The following ENPP6 variants were observed in gnomAD, a reference collection of about 807,000 sequenced individuals.
ENPP6 encodes the protein glycerophosphocholine cholinephosphodiesterase ENPP6.
ENPP6 carries 32 observed loss-of-function variants against 42.0 expected under a neutral mutation model. That is an observed-to-expected ratio of 0.76 (90% confidence interval 0.58 to 1.02). The LOEUF is 1.02. Among genes scored for constraint, ENPP6 ranks in the 50% least tolerant of loss-of-function variants. The pLI is 0.00. For missense variants in ENPP6, 552 were observed against 566.8 expected, an observed-to-expected ratio of 0.97 and a Z score of 0.27; for synonymous variants, 213 against 216.0, an observed-to-expected ratio of 0.99 and a Z score of 0.12.
chr4:184,168,426 A>T lies in ENPP6; in HGVS notation c.242-14693T>A, dbSNP rs1375677171. 2.6e-5 allele frequency among the ~76,000 whole-genome samples: 4 copies of T among 152,354 alleles called. No individual in the cohort carries two copies. In the South Asian group the frequency reaches 8.3e-4, roughly 32 times the overall value. On this transcript the variant is annotated intron_variant, in intron 1 of 7. Coordinates refer to ENST00000296741, the MANE Select transcript of ENPP6 (RefSeq NM_153343.4). ...ATATCTACAGACCATTTGCAGAGGA[A>T]AAGTCTCAAATCCCCTTGACGAAAA... is the stretch of plus-strand genomic sequence containing the variant.
intron 2 of ENPP6, among the ~76,000 whole-genome samples, chr4:184,132,068 T>G (rs1261757711): frequency 1.3e-5 from 2 of 152,144 alleles, no homozygotes; most frequent in Non-Finnish European, 2.9e-5. Flanking sequence ...CCTAAGCCTT[T>G]TGTTCTATTC....
At chr4:184,216,336 T>G (rs1733195117) in intron 1 of ENPP6, among the ~76,000 whole-genome samples, 1 of 152,242 alleles carries the variant, frequency 6.6e-6, no homozygotes, top group Admixed American at 6.5e-5. Context: ...ATACATAACT[T>G]CCTTGCTTGT....
chr4:184,159,368 A>T (rs1427459164), intron 1 of ENPP6, among the ~76,000 whole-genome samples: 1 of 152,234 alleles, frequency 6.6e-6, no homozygotes, highest in Non-Finnish European at 1.5e-5. Flanking sequence ...GGGAGGCAAC[A>T]CAGCTGCATG....
intron 1 of ENPP6, among the ~76,000 whole-genome samples, chr4:184,206,251 A>ATTTT (rs1554000365): frequency 1.1e-3 from 103 of 93,310 alleles, no homozygotes; most frequent in East Asian, 2.1e-3. Flanking sequence ...GGAAGCTTGA[A>ATTTT]TTTTTTTTTT....
intron 1 of ENPP6, among the ~76,000 whole-genome samples, chr4:184,174,722 T>C (rs115946099): frequency 4.1e-3 from 110 of 26,692 alleles, no homozygotes; most frequent in African/African-American, 7.6e-3. Context: ...CTAAATAAGG[T>C]CTGTGTACTT....
At chr4:184,187,774 T>G (rs1041037731) in intron 1 of ENPP6, among the ~76,000 whole-genome samples, 9 of 152,220 alleles carry the variant, frequency 5.9e-5, no homozygotes, top group African/African-American at 2.2e-4. Flanking sequence ...GGGTAGAAAC[T>G]TTGCCCTGTT....
chr4:184,094,324 A>G (rs1269586627), intron 7 of ENPP6, among the ~76,000 whole-genome samples: 1 of 152,266 alleles, frequency 6.6e-6, no homozygotes, highest in African/African-American at 2.4e-5. Context: ...TTCACAGGAA[A>G]AACTGAGATC....
chr4:184,201,624 G>A (rs1039398552), intron 1 of ENPP6, among the ~76,000 whole-genome samples: 3 of 152,202 alleles, frequency 2.0e-5, no homozygotes, highest in African/African-American at 7.2e-5. Context: ...CACCATGGAA[G>A]CCAAAAGAAA....
At chr4:184,165,544 G>C (rs907461796) in intron 1 of ENPP6, among the ~76,000 whole-genome samples, 2 of 152,208 alleles carry the variant, frequency 1.3e-5, no homozygotes, top group Non-Finnish European at 2.9e-5. Flanking sequence ...TCTCAGCAAA[G>C]TAACCACATG....
chr4:184,183,805 C>T (rs369665913), intron 1 of ENPP6, among the ~76,000 whole-genome samples: 1 of 152,350 alleles, frequency 6.6e-6, no homozygotes, highest in African/African-American at 2.4e-5. Context: ...AAACACTCGG[C>T]AACTGCCTCA....
chr4:184,131,149 C>CTTTCTTTCTT (rs1444634415), intron 2 of ENPP6, among the ~76,000 whole-genome samples: 1 of 41,888 alleles, frequency 2.4e-5, no homozygotes, highest in African/African-American at 1.1e-4. Context: ...TACTTTCTTT[C>CTTTCTTTCTT]TTTCTTTCTT....
chr4:184,216,801 C>T lies in ENPP6; in HGVS notation c.241+778G>A, dbSNP rs535291985. 110 of 152,278 alleles carry T rather than the reference C, an allele frequency of 7.2e-4. 1 individual carries two copies. Among genetic ancestry groups the T allele is most frequent in the African/African-American group, 2.5e-3 (103 of 41,538 alleles). 9.4% of individuals were successfully genotyped at this position (152,278 alleles called of 1,614,324 possible). Reference sequence around the variant, plus strand: ...TATCGCACGGATAGAGGCTCAGGTTCATGCAGTCGCGTTTGGAGTCCTGGC... The same window carrying T: ...TATCGCACGGATAGAGGCTCAGGTTTATGCAGTCGCGTTTGGAGTCCTGGC... On this transcript the variant is annotated intron_variant, in intron 1 of 7. Transcript: ENST00000296741.
intron 7 of ENPP6, among the ~76,000 whole-genome samples, chr4:184,093,163 C>T (rs1412701145): frequency 1.3e-5 from 2 of 152,120 alleles, no homozygotes; most frequent in Non-Finnish European, 2.9e-5. Flanking sequence ...AGAAAGTCAT[C>T]GTTCCTGGAA....
chr4:184,124,154 CACTT>C lies in ENPP6; in HGVS notation c.533+3_533+6del. On this transcript the variant is annotated splice_donor_5th_base_variant and intron_variant, in intron 3 of 7. Coordinates refer to ENST00000296741, the MANE Select transcript of ENPP6 (RefSeq NM_153343.4). ...AAAATGGTGTGGCTAGAGTTTGGGA[CACTT>C]ACTTGAAGGAGTCAAGAGCATCGCT... 2 of 1,608,188 alleles carry C rather than the reference CACTT, an allele frequency of 1.2e-6. No homozygotes were observed. Among genetic ancestry groups the C allele is most frequent in the East Asian group, 2.2e-5 (1 of 44,832 alleles).
chr4:184,198,965 G>A (rs1033858816), intron 1 of ENPP6, among the ~76,000 whole-genome samples: 1 of 152,178 alleles, frequency 6.6e-6, no homozygotes, highest in Admixed American at 6.5e-5. Flanking sequence ...GGGCCCTGAT[G>A]ACCTGAATGG....
At chr4:184,200,633 C>A (rs373446558) in intron 1 of ENPP6, among the ~76,000 whole-genome samples, 6 of 152,238 alleles carry the variant, frequency 3.9e-5, no homozygotes, top group African/African-American at 9.6e-5. Flanking sequence ...CAAGTCCCTG[C>A]GGACTGTGGC....
At chr4:184,160,056 T>C (rs937543145) in intron 1 of ENPP6, among the ~76,000 whole-genome samples, 1 of 152,260 alleles carries the variant, frequency 6.6e-6, no homozygotes, top group Non-Finnish European at 1.5e-5. Context: ...CATTGACTGA[T>C]GGGCACTTAG....
chr4:184,207,161 C>A (rs1351125283), intron 1 of ENPP6, among the ~76,000 whole-genome samples: 5 of 152,228 alleles, frequency 3.3e-5, no homozygotes, highest in Non-Finnish European at 7.3e-5. Context: ...TAATAATATA[C>A]TGTGGAACAA....
intron 2 of ENPP6, among the ~76,000 whole-genome samples, chr4:184,149,791 T>G (rs1736992382): frequency 6.6e-6 from 1 of 152,228 alleles, no homozygotes; most frequent in Non-Finnish European, 1.5e-5. Context: ...ACTTAAAAAC[T>G]GCTGCCAGCA....
Sources: gnomAD v4.1 joint callset for allele counts (sites outside exome capture counted in the v4.1 genomes callset) on GRCh38, gnomAD v4.1.1 for gene constraint, MANE v1.5 for transcripts, NCBI Gene and HGNC (gene_info 2026-07-23, HGNC 2026-07-21) for gene names.